Variants in RALYL observed in about 807,000 individuals in gnomAD.
RALYL encodes the protein RALY RNA binding protein like, also known as RNA-binding Raly-like protein.
In RALYL, 29 loss-of-function variants were observed where a neutral mutation model predicts 35.1. The ratio of observed to expected loss-of-function variants is 0.83; its 90% CI spans 0.61 to 1.13. RALYL has a LOEUF of 1.13. Ranked by LOEUF, RALYL falls within the 50% of genes most tolerant of loss-of-function variation. The pLI is 0.00. For missense variants in RALYL, 359 were observed against 360.4 expected, an observed-to-expected ratio of 1.00 and a Z score of 0.03; for synonymous variants, 120 against 127.6, an observed-to-expected ratio of 0.94 and a Z score of 0.40.
intron 1 of RALYL, among the ~76,000 whole-genome samples, chr8:84,460,020 T>G (rs929351651): frequency 2.0e-5 from 3 of 151,746 alleles, no homozygotes; most frequent in Non-Finnish European, 4.4e-5. Flanking sequence ...TTAAAGATGT[T>G]GAAGTGTAGT....
Position 84,917,669 on chromosome 8 carries a change from G to A in RALYL, c.859-3225G>A, listed in dbSNP as rs76810400. On this transcript the variant is annotated intron_variant, in intron 8 of 8. Coordinates refer to ENST00000521268, the MANE Select transcript of RALYL (RefSeq NM_173848.7). ...AAATGGCCATCAACTCAGGAATAGA[G>A]ATTATTCAGCCTCCAAGAACTACCT... is the stretch of plus-strand genomic sequence containing the variant. Among the ~76,000 whole-genome samples the A allele has an allele frequency of 5.3e-3, 806 of 151,574 alleles. 4 individuals carry two copies. Among genetic ancestry groups the A allele is most frequent in the Middle Eastern group, 0.027 (8 of 294 alleles).
intron 4 of RALYL, among the ~76,000 whole-genome samples, chr8:84,822,368 T>C (rs912722943): frequency 1.3e-5 from 2 of 152,184 alleles, no homozygotes; most frequent in Non-Finnish European, 2.9e-5. Flanking sequence ...CATTCCTAAT[T>C]AATTTTCTTA....
chr8:84,290,091 G>A (rs369964359), intron 1 of RALYL, among the ~76,000 whole-genome samples: 136 of 152,272 alleles, frequency 8.9e-4, no homozygotes, highest in African/African-American at 3.2e-3. Flanking sequence ...GCTTGTTGGA[G>A]AAAGGAAAGT....
chr8:84,302,221 T>A lies in RALYL; in HGVS notation c.-24+117797T>A, dbSNP rs115293754. ...GTGAACATTCTGATACTTTTGAAAGTTGTTCCTTAAGAGAGCTTCACATCA... is the reference window on the plus strand; with the variant it reads ...GTGAACATTCTGATACTTTTGAAAGATGTTCCTTAAGAGAGCTTCACATCA... On this transcript the variant is annotated intron_variant, in intron 1 of 8. Coordinates refer to ENST00000521268, the MANE Select transcript of RALYL (RefSeq NM_173848.7). Among the ~76,000 whole-genome samples the A allele has an allele frequency of 2.9e-3, 440 of 152,290 alleles. 3 individuals carry two copies. Among genetic ancestry groups the A allele is most frequent in the African/African-American group, 9.2e-3 (381 of 41,568 alleles).
At chr8:84,823,042 G>A (rs562373005) in intron 4 of RALYL, among the ~76,000 whole-genome samples, 2 of 152,190 alleles carry the variant, frequency 1.3e-5, no homozygotes, top group Non-Finnish European at 2.9e-5. Flanking sequence ...TCAATGAATT[G>A]TTTTTACCAT....
chr8:84,334,747 T>C (rs1052706579), intron 1 of RALYL, among the ~76,000 whole-genome samples: 1 of 152,244 alleles, frequency 6.6e-6, no homozygotes, highest in Middle Eastern at 3.4e-3. Context: ...TATTTTACCT[T>C]AGTCTGGAAC....
intron 1 of RALYL, among the ~76,000 whole-genome samples, chr8:84,265,308 C>A (rs1226363430): frequency 2.0e-5 from 3 of 152,116 alleles, no homozygotes; most frequent in Admixed American, 6.5e-5. Flanking sequence ...CACATGAGTC[C>A]TTAATGTAGA....
At chr8:84,473,389 T>C (rs1205081937) in intron 1 of RALYL, among the ~76,000 whole-genome samples, 2 of 151,750 alleles carry the variant, frequency 1.3e-5, no homozygotes, top group Admixed American at 1.3e-4. Context: ...AACATCATCA[T>C]GATCATCTTT....
intron 2 of RALYL, among the ~76,000 whole-genome samples, chr8:84,546,219 G>A (rs947900302): frequency 5.9e-5 from 9 of 151,954 alleles, no homozygotes; most frequent in African/African-American, 1.7e-4. Flanking sequence ...TCAACTTCCC[G>A]GGCTCAAGTG....
At chr8:84,426,374 A>G (rs749339120) in intron 1 of RALYL, among the ~76,000 whole-genome samples, 3 of 151,564 alleles carry the variant, frequency 2.0e-5, no homozygotes, top group Non-Finnish European at 4.4e-5. Context: ...CCACTGATCT[A>G]CATCTCCCCA....
At chr8:84,657,670 G>A (rs1232676409) in intron 2 of RALYL, among the ~76,000 whole-genome samples, 1 of 152,186 alleles carries the variant, frequency 6.6e-6, no homozygotes, top group Non-Finnish European at 1.5e-5. Context: ...TCTAATAGAA[G>A]TGCAAAGAGG....
chr8:84,370,868 G>A (rs914923057), intron 1 of RALYL, among the ~76,000 whole-genome samples: 1 of 151,868 alleles, frequency 6.6e-6, no homozygotes, highest in African/African-American at 2.4e-5. Context: ...GATTGTCAGA[G>A]GTTGCAAAAT....
intron 2 of RALYL, among the ~76,000 whole-genome samples, chr8:84,703,810 TG>T (rs1390466322): frequency 2.0e-5 from 3 of 152,186 alleles, no homozygotes; most frequent in Admixed American, 1.3e-4. Flanking sequence ...CTTATGGCAT[TG>T]GTGTCTAAGA....
intron 5 of RALYL, among the ~76,000 whole-genome samples, chr8:84,855,520 A>G (rs1836779668): frequency 6.6e-6 from 1 of 152,172 alleles, no homozygotes; most frequent in South Asian, 2.1e-4. Context: ...GTTATTCTAA[A>G]TTCTTATCTT....
chr8:84,714,210 T>C (rs1258559262), intron 2 of RALYL, among the ~76,000 whole-genome samples: 1 of 151,782 alleles, frequency 6.6e-6, no homozygotes, highest in Non-Finnish European at 1.5e-5. Context: ...TGGAAGTCAT[T>C]AACAGAAGCA....
intron 2 of RALYL, among the ~76,000 whole-genome samples, chr8:84,706,281 G>T (rs1841198396): frequency 6.6e-6 from 1 of 152,094 alleles, no homozygotes; most frequent in Non-Finnish European, 1.5e-5. Flanking sequence ...CCTTGGAAAG[G>T]TTTACAAAAT....
intron 1 of RALYL, among the ~76,000 whole-genome samples, chr8:84,237,383 G>A (rs948480930): frequency 6.6e-6 from 1 of 152,210 alleles, no homozygotes; most frequent in African/African-American, 2.4e-5. Flanking sequence ...ACAGTCTTGG[G>A]TATGCACTGC....
intron 2 of RALYL, among the ~76,000 whole-genome samples, chr8:84,630,630 T>C (rs1407268642): frequency 6.6e-6 from 1 of 151,984 alleles, no homozygotes; most frequent in East Asian, 1.9e-4. Flanking sequence ...AACTAGAAAC[T>C]GTTAAATGAA....
intron 1 of RALYL, among the ~76,000 whole-genome samples, chr8:84,185,908 A>G (rs1812406384): frequency 6.6e-6 from 1 of 152,170 alleles, no homozygotes; most frequent in Non-Finnish European, 1.5e-5. Flanking sequence ...TTTACGCCTT[A>G]GTTTTTACTC....
Sources: allele counts gnomAD v4.1 joint callset (sites outside exome capture counted in the v4.1 genomes callset), GRCh38; gene constraint gnomAD v4.1.1; transcripts MANE v1.5; gene names NCBI Gene and HGNC (gene_info 2026-07-23, HGNC 2026-07-21).